Variants in MED15 observed in about 807,000 individuals in gnomAD.
The protein encoded by MED15 is mediator complex subunit 15, also known as mediator of RNA polymerase II transcription subunit 15.
MED15 carries 41 observed loss-of-function variants against 118.7 expected under a neutral mutation model. The observed-to-expected ratio is 0.35, with a 90% CI of 0.27 to 0.45. The LOEUF (loss-of-function observed/expected upper bound fraction) is 0.45, where lower values mean the gene tolerates loss of function less well. Among genes scored for constraint, MED15 ranks in the 20% least tolerant of loss-of-function variants. The pLI is 1.00. For missense variants in MED15, 740 were observed against 1,025.5 expected, an observed-to-expected ratio of 0.72 and a Z score of 3.80; for synonymous variants, 436 against 413.9, an observed-to-expected ratio of 1.05 and a Z score of -0.65.
chr22:20,513,612 G>T (rs1601434780), intron 1 of MED15, among the ~76,000 whole-genome samples: 1 of 152,084 alleles, frequency 6.6e-6, no homozygotes, highest in Middle Eastern at 3.2e-3. Context: ...TCAATGAAAT[G>T]GTAGAAAGCC....
intron 2 of MED15, among the ~76,000 whole-genome samples, chr22:20,549,017 T>C (rs1019591714): frequency 6.6e-6 from 1 of 152,188 alleles, no homozygotes; most frequent in Admixed American, 6.5e-5. Flanking sequence ...CCCAGGCTGG[T>C]CTTAAACTCC....
intron 1 of MED15, among the ~76,000 whole-genome samples, chr22:20,513,134 A>G (rs971526438): frequency 2.6e-5 from 4 of 151,868 alleles, no homozygotes; most frequent in Non-Finnish European, 5.9e-5. Flanking sequence ...TGCAGTTGGT[A>G]TGATCATAGC....
intron 5 of MED15, among the ~76,000 whole-genome samples, chr22:20,555,353 C>G (rs2055954600): frequency 6.6e-6 from 1 of 151,166 alleles, no homozygotes; most frequent in Admixed American, 6.8e-5. Context: ...GATGCTGGGC[C>G]CTCCTCCTCC....
intron 1 of MED15, among the ~76,000 whole-genome samples, chr22:20,514,209 CA>C (rs1323198816): frequency 6.6e-6 from 1 of 152,128 alleles, no homozygotes; most frequent in African/African-American, 2.4e-5. Flanking sequence ...GCAGAAACTG[CA>C]GGATAAGCCA....
At chr22:20,526,326 G>A (rs1424076902) in intron 1 of MED15, among the ~76,000 whole-genome samples, 1 of 152,112 alleles carries the variant, frequency 6.6e-6, no homozygotes, top group Non-Finnish European at 1.5e-5. Flanking sequence ...CTTTCTTCCG[G>A]CATATACCTC....
At position 20,582,980 on chromosome 22, in the gene MED15, T is replaced by G. The variant is rs2057033058; in HGVS notation, c.1537+13T>G. ...TTAAACACACCTGGTAAGTTGGGCC[T>G]GAGGTGCTAAGGTCACTCCTCACCT... On this transcript the variant is annotated intron_variant, in intron 11 of 17. Transcript: ENST00000263205. 6.2e-7 allele frequency: 1 copy of G among 1,611,390 alleles called. No individual in the cohort carries two copies. Among genetic ancestry groups the G allele is most frequent in the African/African-American group, 1.3e-5 (1 of 74,910 alleles).
intron 2 of MED15, among the ~76,000 whole-genome samples, chr22:20,544,476 T>TA (rs2055443806): frequency 6.6e-6 from 1 of 152,060 alleles, no homozygotes; most frequent in Non-Finnish European, 1.5e-5. Flanking sequence ...CCATCCTGGC[T>TA]AACATGGTGA....
At chr22:20,584,272 C>G in intron 13 of MED15, 87 bp from the exon 14 acceptor site, 1 of 1,375,766 alleles carries the variant, frequency 7.3e-7, no homozygotes, top group South Asian at 1.2e-5. Flanking sequence ...TTTCTGATGG[C>G]TGAGGCCCAG....
At chr22:20,546,508 T>G (rs2055546216) in intron 2 of MED15, among the ~76,000 whole-genome samples, 1 of 149,230 alleles carries the variant, frequency 6.7e-6, no homozygotes, top group African/African-American at 2.5e-5. Flanking sequence ...TGGAGTTTTT[T>G]TTGTTTTTTT....
At chr22:20,547,730 G>T (rs983816735) in intron 2 of MED15, among the ~76,000 whole-genome samples, 1 of 152,196 alleles carries the variant, frequency 6.6e-6, no homozygotes, top group African/African-American at 2.4e-5. Context: ...TGAGGCAGGA[G>T]AATAGCTTGC....
At chr22:20,555,238 C>T (rs1464706925) in intron 5 of MED15, 90 bp downstream of exon 5, 6 of 1,277,130 alleles carry the variant, frequency 4.7e-6, no homozygotes, top group Non-Finnish European at 6.4e-6. Context: ...TCAAGAAAAG[C>T]ATGGAGAAGC....
intron 2 of MED15, among the ~76,000 whole-genome samples, chr22:20,538,268 TGAGA>T (rs2055156944): frequency 6.6e-6 from 1 of 152,130 alleles, no homozygotes; most frequent in Non-Finnish European, 1.5e-5. Context: ...CTTTTTTTTT[TGAGA>T]CAGGGTCTCA....
intron 2 of MED15, among the ~76,000 whole-genome samples, chr22:20,550,290 G>A (rs1229074101): frequency 6.6e-6 from 1 of 152,180 alleles, no homozygotes; most frequent in East Asian, 1.9e-4. Flanking sequence ...TGACAGAACT[G>A]CCTTGGTGTC....
Position 20,586,594 on chromosome 22 carries a change from C to A in MED15, c.2257C>A (p.His753Asn). Residue 753 changes from histidine (H) to asparagine (N), a missense_variant, in exon 18 of 18, where the codon CAC becomes AAC. Physicochemically the swap from His to Asn is moderately conservative, Grantham distance 68. Coordinates refer to ENST00000263205, the MANE Select transcript of MED15 (RefSeq NM_001003891.3). ...CGCCAACCCCTTCCTCCAGTCGGTGCACCGCTGCATGACCTCCAGGCTGCT... is the reference window on the plus strand; with the variant it reads ...CGCCAACCCCTTCCTCCAGTCGGTGAACCGCTGCATGACCTCCAGGCTGCT... ...YDANPFLQSV[H>N]RCMTSRLLQL... 6.2e-7 allele frequency: 1 copy of A among 1,612,942 alleles called. No homozygotes were observed. Among genetic ancestry groups the A allele is most frequent in the Non-Finnish European group, 8.5e-7 (1 of 1,179,956 alleles).
chr22:20,577,661 G>C (rs2056861179), intron 9 of MED15, among the ~76,000 whole-genome samples: 1 of 151,922 alleles, frequency 6.6e-6, no homozygotes, highest in Admixed American at 6.6e-5. Context: ...ATTGCACTGT[G>C]TGGGGTGAGA....
intron 1 of MED15, among the ~76,000 whole-genome samples, chr22:20,519,208 A>G (rs2054357901): frequency 6.6e-6 from 1 of 152,146 alleles, no homozygotes; most frequent in Non-Finnish European, 1.5e-5. Flanking sequence ...AGAGGGGAAT[A>G]GAATAGCAGC....
intron 1 of MED15, among the ~76,000 whole-genome samples, chr22:20,535,449 G>A (rs917358016): frequency 7.2e-5 from 11 of 152,168 alleles, no homozygotes; most frequent in African/African-American, 2.7e-4. Context: ...TTGCTGTTTG[G>A]AGTGGTCAGA....
intron 1 of MED15, among the ~76,000 whole-genome samples, chr22:20,532,855 C>T (rs2054913378): frequency 6.6e-6 from 1 of 152,210 alleles, no homozygotes; most frequent in Non-Finnish European, 1.5e-5. Context: ...TGGACAGGCC[C>T]TCGTCTTCCC....
chr22:20,540,537 A>C (rs1157435385), intron 2 of MED15, among the ~76,000 whole-genome samples: 1 of 152,138 alleles, frequency 6.6e-6, no homozygotes. Flanking sequence ...TTGTACCAAC[A>C]TGTTCCAGCC....
Sources: gnomAD v4.1 joint callset for allele counts (sites outside exome capture counted in the v4.1 genomes callset) on GRCh38, gnomAD v4.1.1 for gene constraint, MANE v1.5 for transcripts, NCBI Gene and HGNC (gene_info 2026-07-23, HGNC 2026-07-21) for gene names.